Variants in E2F8 observed in about 807,000 individuals in gnomAD.
E2F8 encodes transcription factor E2F8.
In E2F8, 35 loss-of-function variants were observed where a neutral mutation model predicts 80.8. The observed-to-expected ratio is 0.43, with a 90% CI of 0.33 to 0.57. The LOEUF (loss-of-function observed/expected upper bound fraction) is 0.57, where lower values mean the gene tolerates loss of function less well. E2F8 is among the 20% of genes least tolerant of loss of function. The pLI is 0.04. For synonymous variants in E2F8, 386 were observed against 395.0 expected (o/e 0.98, Z 0.27); for missense variants, 975 against 1,056.2 (o/e 0.92, Z 1.07).
Position 19,237,242 on chromosome 11 carries a change from G to T in E2F8, c.451+72C>A. On this transcript the variant is annotated intron_variant, in intron 4 of 12. Coordinates refer to ENST00000250024, the MANE Select transcript of E2F8 (RefSeq NM_024680.4). ...TTACAAACACTGGCTAGATGAGCGG[G>T]GGTCTGAAGGAGTTAAGTCCATAAA... 3 of 1,408,640 alleles carry T rather than the reference G, an allele frequency of 2.1e-6. No individual in the cohort carries two copies. The Admixed American group carries it at 5.4e-5, about 26-fold the overall frequency. 87.3% of individuals were successfully genotyped at this position (1,408,640 alleles called of 1,614,324 possible). A position where few individuals can be genotyped will look rare whatever the true frequency, so the allele number is the denominator to read the frequency against.
At chr11:19,230,579 G>A in intron 8 of E2F8, 52 bp downstream of exon 8, 1 of 1,577,834 alleles carries the variant, frequency 6.3e-7, no homozygotes, top group Non-Finnish European at 8.7e-7. Context: ...CTGAAAAAAT[G>A]AGATAAAAGG....
rs184534783 is a variant in E2F8 at position 19,225,737 on chromosome 11, A to G, written c.2021T>C (p.Ile674Thr). 3.1e-5 allele frequency: 50 copies of G among 1,614,164 alleles called. No homozygotes were observed. Among genetic ancestry groups the G allele is most frequent in the South Asian group, 1.3e-4 (12 of 91,084 alleles). Reference protein sequence around the residue: ...SPNHRIYSSPIAGVIPVTSSE... With the variant: ...SPNHRIYSSPTAGVIPVTSSE... ...AGTGTTTTATGTGCACTCACCTGCAATTGGGGAGCTGTAAATCCTGTGGTT... is the reference window on the plus strand; with the variant it reads ...AGTGTTTTATGTGCACTCACCTGCAGTTGGGGAGCTGTAAATCCTGTGGTT... The change falls in exon 11 of 13, where the codon ATT becomes ACT. Residue 674 changes from isoleucine to threonine, a missense_variant. Physicochemically the swap from Ile to Thr is moderately conservative, Grantham distance 89. Transcript: ENST00000250024.
chr11:19,236,623 A>G (rs1377810921), intron 4 of E2F8, among the ~76,000 whole-genome samples: 1 of 152,246 alleles, frequency 6.6e-6, no homozygotes, highest in African/African-American at 2.4e-5. Context: ...TGTGAAATAA[A>G]GTTGATATTT....
intron 10 of E2F8, among the ~76,000 whole-genome samples, chr11:19,227,557 C>T (rs769922371): frequency 3.3e-5 from 5 of 152,086 alleles, no homozygotes; most frequent in Admixed American, 6.6e-5. Flanking sequence ...ATTAAATTGC[C>T]GAATGAATCT....
At chr11:19,233,415 G>C (rs1446067074) in intron 6 of E2F8, among the ~76,000 whole-genome samples, 4 of 152,206 alleles carry the variant, frequency 2.6e-5, no homozygotes, top group African/African-American at 9.7e-5. Flanking sequence ...ATCAGCATCA[G>C]TGGAAGGAGA....
At chr11:19,238,623 C>A (rs1031228153) in intron 2 of E2F8, among the ~76,000 whole-genome samples, 1 of 152,192 alleles carries the variant, frequency 6.6e-6, no homozygotes, top group African/African-American at 2.4e-5. Context: ...TGGCTGCATG[C>A]AGTGGGTGCT....
rs192685979 is a variant in E2F8, at chr11:19,225,697, G to A, written c.2026+35C>T. 698 of 1,612,464 alleles carry A rather than the reference G, an allele frequency of 4.3e-4. 1 individual carries two copies. The highest frequency in any genetic ancestry group is 5.3e-4 in the Non-Finnish European group (622 of 1,178,782). ...ACAAGGCTTAAGTGAACTTGAGACC[G>A]GCCCACATCTGGTTAGTGTTTTATG... is the stretch of plus-strand genomic sequence containing the variant. On this transcript the variant is annotated intron_variant, in intron 11 of 12. Transcript: ENST00000250024.
chr11:19,229,507 C>T lies in E2F8; in HGVS notation c.1840G>A (p.Gly614Ser). ...SKRASMLEDS[G>S]SKKKFKEDLK... ...TCCTCTTTAAATTTCTTTTTGGAAC[C>T]ACTGTCCTCGAGCATGCTTGCCCTC... is the stretch of plus-strand genomic sequence containing the variant. Residue 614 changes from glycine to serine, a missense_variant, in exon 10 of 13, where the codon GGT becomes AGT. By Grantham distance (56) the Gly-to-Ser change is moderately conservative. Transcript: ENST00000250024. The surrounding 1 kb of genome is among the most constrained non-coding windows in gnomAD (Gnocchi z 4.3). The T allele has an allele frequency of 6.2e-7, 1 of 1,614,124 alleles. No homozygotes were observed.
In E2F8 at chr11:19,229,393, A is replaced by G; in HGVS notation, c.1893+61T>C. 6.5e-7 allele frequency: 1 copy of G among 1,530,034 alleles called. No individual in the cohort carries two copies. Among genetic ancestry groups the G allele is most frequent in the Non-Finnish European group, 8.8e-7 (1 of 1,141,494 alleles). 94.8% of individuals were successfully genotyped at this position (1,530,034 alleles called of 1,614,324 possible). On this transcript the variant is annotated intron_variant, in intron 10 of 12. Coordinates refer to ENST00000250024, the MANE Select transcript of E2F8 (RefSeq NM_024680.4). This position sits in a 1 kb window ranked among gnomAD's most constrained non-coding sequence, Gnocchi z 4.3. The stretch of plus-strand genomic sequence containing the variant: ...TCTTCGGTAAATTTCACAAGCCACC[A>G]ATCTTCCTGTAATAGACTAGGGAAT...
intron 10 of E2F8, among the ~76,000 whole-genome samples, chr11:19,226,799 T>A (rs776530536): frequency 2.6e-5 from 4 of 152,230 alleles, no homozygotes; most frequent in Non-Finnish European, 5.9e-5. Flanking sequence ...CTAGTACTGC[T>A]TGCTCTAATG....
intron 11 of E2F8, 36 bp downstream of exon 11, chr11:19,225,696 C>A (rs374727585): frequency 6.2e-7 from 1 of 1,612,090 alleles, no homozygotes; most frequent in South Asian, 1.1e-5. Flanking sequence ...AACTTGAGAC[C>A]GGCCCACATC....
intron 10 of E2F8, among the ~76,000 whole-genome samples, chr11:19,227,586 C>T (rs1851268214): frequency 6.6e-6 from 1 of 152,200 alleles, no homozygotes; most frequent in Non-Finnish European, 1.5e-5. Context: ...TGAACTTGAA[C>T]TCTTCTAGCC....
Position 19,229,667 on chromosome 11 carries a change from A to G in E2F8, c.1680T>C (p.Asp560=). 1 of 1,614,102 alleles carries G rather than the reference A, an allele frequency of 6.2e-7. No homozygotes were observed. The change falls in exon 10 of 13, where the codon GAT becomes GAC. Residue 560 remains aspartate (D), a synonymous_variant. Transcript: ENST00000250024. The surrounding 1 kb of genome is among the most constrained non-coding windows in gnomAD (Gnocchi z 4.3). ...CATTGGCTGCCTTCTCAGTGGTGGC[A>G]TCTGTGGAGTCTTTTGAGCCAGTAG... ...SKATGSKDST[D]ATTEKAANDT... is the part of the protein sequence containing the mutation.
At position 19,237,495 on chromosome 11, in the gene E2F8, T is replaced by A. The variant is rs374007977; in HGVS notation, c.295-25A>T. 6.7e-5 allele frequency: 107 copies of A among 1,604,038 alleles called. No homozygotes were observed. The African/African-American group carries it at 1.1e-3, about 17-fold the overall frequency. On this transcript the variant is annotated intron_variant, in intron 3 of 12. Transcript: ENST00000250024. ...CCTACAAAGGAAAAGGTAAACAATG[T>A]CTTATTCTAAAATAAAGTCTGACAG... is the stretch of plus-strand genomic sequence containing the variant.
chr11:19,230,833 G>T lies in E2F8; in HGVS notation c.1068C>A (p.Gly356=), dbSNP rs749771997. 2.5e-6 allele frequency: 4 copies of T among 1,613,858 alleles called. No individual in the cohort carries two copies. Among genetic ancestry groups the T allele is most frequent in the African/African-American group, 1.3e-5 (1 of 74,896 alleles). Residue 356 remains glycine, a splice_region_variant and synonymous_variant, in exon 8 of 13, where the codon GGC becomes GGA. Coordinates refer to ENST00000250024, the MANE Select transcript of E2F8 (RefSeq NM_024680.4). ...GAGTAAAATGAATGACTGGGCTGGA[G>T]CCTGAAACAGAAAACGTCTGTGTAT... ...TGPEISPNTS[G]SSPVIHFTPS...
At chr11:19,240,364 C>A in intron 1 of E2F8, 134 bp from the exon 2 acceptor site, 1 of 303,098 alleles carries the variant, frequency 3.3e-6, no homozygotes, top group Non-Finnish European at 6.1e-6. Flanking sequence ...ACATTTTATT[C>A]TCGACCAGAG....
chr11:19,234,331 CA>C (rs1469713068), intron 6 of E2F8, 28 bp downstream of exon 6: 1 of 1,609,468 alleles, frequency 6.2e-7, no homozygotes, highest in Non-Finnish European at 8.5e-7. Flanking sequence ...AGAATAGGTT[CA>C]AAAATCCATG....
At chr11:19,235,747 A>T (rs1426246735) in intron 4 of E2F8, among the ~76,000 whole-genome samples, 1 of 152,148 alleles carries the variant, frequency 6.6e-6, no homozygotes, top group Non-Finnish European at 1.5e-5. Context: ...TAGCAAACCA[A>T]GTCTTTAAAA....
At chr11:19,224,932 T>A (rs1375566178) in intron 12 of E2F8, 92 bp from the exon 13 acceptor site, 1 of 1,436,178 alleles carries the variant, frequency 7.0e-7, no homozygotes, top group Non-Finnish European at 9.5e-7. Context: ...GATGAATGTA[T>A]TGCACATTGG....
Sources: allele counts gnomAD v4.1 joint callset (sites outside exome capture counted in the v4.1 genomes callset), GRCh38; gene constraint gnomAD v4.1.1; non-coding constraint Gnocchi (gnomAD v3.1); transcripts MANE v1.5; gene names NCBI Gene and HGNC (gene_info 2026-07-23, HGNC 2026-07-21).